The following MPND variants were observed in gnomAD, a reference collection of about 807,000 sequenced individuals.
The protein encoded by MPND is MPN domain containing, also known as MPN domain-containing protein.
A neutral mutation model predicts 59.2 loss-of-function variants in MPND; 56 were observed. The ratio of observed to expected loss-of-function variants is 0.95; its 90% CI spans 0.76 to 1.18. The LOEUF (loss-of-function observed/expected upper bound fraction) is 1.18. MPND is among the 50% of genes most tolerant of loss of function. MPND has a pLI of 0.00. For missense variants in MPND, 671 were observed against 676.0 expected, an observed-to-expected ratio of 0.99 and a Z score of 0.08; for synonymous variants, 323 against 291.9, an observed-to-expected ratio of 1.11 and a Z score of -1.09.
At chr19:4,349,163 G>C (rs1033462097) in intron 3 of MPND, 1 of 152,694 alleles carries the variant, frequency 6.5e-6, no homozygotes, top group Non-Finnish European at 1.5e-5. Context: ...CCGTTCCCGG[G>C]TTCACGCAAT....
chr19:4,343,952 G>A lies in MPND; in HGVS notation c.252G>A (p.Ala84=), dbSNP rs772978936. ...CACTGCGGGTGCTCCTCAAAGACGC[G>A]CTGCTGGAGCCTGGCGCCGGGGTGC... ...AVTLRVLLKD[A]LLEPGAGVLS... Residue 84 remains alanine (A), a synonymous_variant, in exon 2 of 13, where the codon GCG becomes GCA. Coordinates refer to ENST00000599840, the MANE Select transcript of MPND (RefSeq NM_001300862.2). 1.4e-6 allele frequency: 2 copies of A among 1,382,518 alleles called. No individual in the cohort carries two copies. The highest frequency in any genetic ancestry group is 1.6e-5 in the South Asian group (1 of 62,214). The allele number at this position is 1,382,518 out of a possible 1,614,324, so 85.6% of individuals were successfully genotyped here. A position where few individuals can be genotyped will look rare whatever the true frequency, so the allele number is the denominator to read the frequency against.
intron 3 of MPND, chr19:4,348,375 C>CT (rs1214475821): frequency 6.7e-6 from 1 of 149,854 alleles, no homozygotes; most frequent in Non-Finnish European, 1.5e-5. Context: ...ATTCTCCTGC[C>CT]TGAGCCTCTT....
intron 4 of MPND, among the ~76,000 whole-genome samples, chr19:4,353,251 A>G (rs1972362027): frequency 6.6e-6 from 1 of 151,856 alleles, no homozygotes; most frequent in Non-Finnish European, 1.5e-5. Flanking sequence ...CAAATGCTGG[A>G]TTTTATTTTA....
chr19:4,346,040 C>A, intron 3 of MPND, 59 bp downstream of exon 3: 1 of 1,379,140 alleles, frequency 7.3e-7, no homozygotes, highest in Non-Finnish European at 1.0e-6. Flanking sequence ...GAGGGGTGCC[C>A]AGCCTGGCAC....
At chr19:4,359,503 C>T (rs189518105) in intron 12 of MPND, among the ~76,000 whole-genome samples, 1 of 152,222 alleles carries the variant, frequency 6.6e-6, no homozygotes, top group East Asian at 1.9e-4. Flanking sequence ...AGTGGCTCCC[C>T]TGCAGAGGGC....
At chr19:4,345,660 G>T in intron 2 of MPND, 85 bp from the exon 3 acceptor site, 1 of 1,261,476 alleles carries the variant, frequency 7.9e-7, no homozygotes, top group South Asian at 1.3e-5. Flanking sequence ...CATGCCTGAG[G>T]GAGCGTAGGT....
Position 4,345,778 on chromosome 19 carries a change from G to A in MPND, c.328G>A (p.Gly110Arg), listed in dbSNP as rs1213943165. The A allele has an allele frequency of 8.7e-6, 14 of 1,613,856 alleles. No homozygotes were observed. The highest frequency in any genetic ancestry group is 3.3e-5 in the Admixed American group (2 of 59,996). ...GTTCCTGGGCGACCTGCAGCCAGAC[G>A]GAAGGATCATGTGGCAGGAGACCGG... ...KKFLGDLQPDGRIMWQETGQT... is the reference protein window; with the variant it reads ...KKFLGDLQPDRRIMWQETGQT... Residue 110 changes from glycine to arginine, a missense_variant, in exon 3 of 13, where the codon GGA becomes AGA. Gly to Arg is a moderately radical substitution (Grantham distance 125). Coordinates refer to ENST00000599840, the MANE Select transcript of MPND (RefSeq NM_001300862.2).
intron 3 of MPND, among the ~76,000 whole-genome samples, chr19:4,347,055 T>C (rs1972201094): frequency 6.6e-6 from 1 of 151,098 alleles, no homozygotes; most frequent in Non-Finnish European, 1.5e-5. Context: ...AACCCCAAAA[T>C]GGAGATGGTA....
At chr19:4,354,581 G>T in intron 6 of MPND, 161 bp downstream of exon 6, 1 of 652,314 alleles carries the variant, frequency 1.5e-6, no homozygotes, top group Non-Finnish European at 2.6e-6. Context: ...GAAGGAGGGT[G>T]CGTGGCCAGG....
At position 4,344,007 on chromosome 19, in the gene MPND, C is replaced by A; in HGVS notation, c.294+13C>A. 2 of 1,307,688 alleles carry A rather than the reference C, an allele frequency of 1.5e-6. No homozygotes were observed. Among genetic ancestry groups the A allele is most frequent in the South Asian group, 2.1e-5 (1 of 46,568 alleles). The allele number at this position is 1,307,688 out of a possible 1,614,324, so 81.0% of individuals were successfully genotyped here. On this transcript the variant is annotated intron_variant, in intron 2 of 12. Transcript: ENST00000599840. ...CATCTACTACCTGGTGAGCACCCCG[C>A]CTCCCTCGTCCCATCGCGGCTCGGG...
intron 3 of MPND, 85 bp from the exon 4 acceptor site, chr19:4,352,812 A>G: frequency 7.8e-7 from 1 of 1,284,632 alleles, no homozygotes; most frequent in South Asian, 3.5e-5. Flanking sequence ...GGCTTAGGCC[A>G]AAGGGCTGGG....
rs1203398112 is a variant in MPND at position 4,357,438 on chromosome 19, T to C, written c.1165+17T>C. 2 of 1,610,246 alleles carry C rather than the reference T, an allele frequency of 1.2e-6. No individual in the cohort carries two copies. The highest frequency in any genetic ancestry group is 2.2e-5 in the South Asian group (2 of 90,700). On this transcript the variant is annotated intron_variant, in intron 9 of 12. Coordinates refer to ENST00000599840, the MANE Select transcript of MPND (RefSeq NM_001300862.2). ...TGCTCTGCTGTACGCGGGATGGGGC[T>C]GTGGGGGGAGCAAGGAGGGGGGATG...
At chr19:4,354,838 T>C in intron 6 of MPND, 111 bp from the exon 7 acceptor site, 3 of 1,151,318 alleles carry the variant, frequency 2.6e-6, no homozygotes, top group Non-Finnish European at 3.7e-6. Context: ...CCCTCCAGCC[T>C]GGGCGACAGA....
At chr19:4,355,498 G>A (rs1451499007) in intron 8 of MPND, among the ~76,000 whole-genome samples, 1 of 152,164 alleles carries the variant, frequency 6.6e-6, no homozygotes, top group Non-Finnish European at 1.5e-5. Context: ...ACCACGCCCA[G>A]CTAATTTTTT....
intron 3 of MPND, chr19:4,347,766 G>A (rs1972218152): frequency 1.1e-5 from 7 of 626,350 alleles, no homozygotes; most frequent in Admixed American, 5.4e-5. Context: ...CCTGCCCGAC[G>A]CAGTGGCAAA....
At position 4,357,426 on chromosome 19, in the gene MPND, G is replaced by T. The variant is rs758958504; in HGVS notation, c.1165+5G>T. The T allele has an allele frequency of 1.9e-6, 3 of 1,611,168 alleles. No homozygotes were observed. The highest frequency in any genetic ancestry group is 2.2e-5 in the South Asian group (2 of 90,828). ...CCTGCCTCGCCCTGCTCTGCTGTAC[G>T]CGGGATGGGGCTGTGGGGGGAGCAA... On this transcript the variant is annotated splice_donor_5th_base_variant and intron_variant, in intron 9 of 12. Transcript: ENST00000599840.
chr19:4,354,280 G>T, intron 5 of MPND, 44 bp from the exon 6 acceptor site: 5 of 1,533,082 alleles, frequency 3.3e-6, no homozygotes, highest in Non-Finnish European at 4.4e-6. Flanking sequence ...CGAGGGAAGA[G>T]CCTGGGGATT....
intron 5 of MPND, 79 bp downstream of exon 5, chr19:4,354,208 T>TG: frequency 1.3e-6 from 2 of 1,501,702 alleles, no homozygotes; most frequent in South Asian, 1.2e-5. Context: ...AGGGCAGGGG[T>TG]GGGGGGTGGG....
chr19:4,345,930 C>T lies in MPND; in HGVS notation c.480C>T (p.Ala160=). 3 of 1,613,546 alleles carry T rather than the reference C, an allele frequency of 1.9e-6. No individual in the cohort carries two copies. Among genetic ancestry groups the T allele is most frequent in the South Asian group, 2.2e-5 (2 of 91,088 alleles). ...GCCAGAAACTGGACAAGTACAAGGC[C>T]ACCTGGCTCCGGCTGCACCAGCTGC... ...YKGQKLDKYK[A]TWLRLHQLHT... Residue 160 remains alanine (A), a synonymous_variant, in exon 3 of 13, where the codon GCC becomes GCT. Transcript: ENST00000599840.
Sources: gnomAD v4.1 joint callset for allele counts (sites outside exome capture counted in the v4.1 genomes callset) on GRCh38, gnomAD v4.1.1 for gene constraint, MANE v1.5 for transcripts, NCBI Gene and HGNC (gene_info 2026-07-23, HGNC 2026-07-21) for gene names.